Variants in TIMM23 observed in about 807,000 individuals in gnomAD.
TIMM23 encodes mitochondrial import inner membrane translocase subunit Tim23.
Under a neutral mutation model 30.7 loss-of-function variants are expected in TIMM23, and 19 were observed. The ratio of observed to expected loss-of-function variants is 0.62; its 90% CI spans 0.43 to 0.91. TIMM23 has a LOEUF of 0.91. TIMM23 is among the 40% of genes least tolerant of loss of function. The pLI, the probability that TIMM23 is intolerant of heterozygous loss-of-function variation, is 0.00. For synonymous variants in TIMM23, 78 were observed against 98.5 expected (o/e 0.79, Z 1.23); for missense variants, 202 against 269.2 (o/e 0.75, Z 1.75).
intron 6 of TIMM23, among the ~76,000 whole-genome samples, chr10:46,000,684 A>G (rs532707379): frequency 6.6e-6 from 1 of 152,376 alleles, no homozygotes; most frequent in African/African-American, 2.4e-5. Context: ...TGCACAAAGC[A>G]AAGAACCAGC....
intron 4 of TIMM23, among the ~76,000 whole-genome samples, chr10:45,985,082 A>G (rs1837956592): frequency 1.3e-5 from 2 of 151,932 alleles, no homozygotes. Flanking sequence ...CCTTATATAT[A>G]TTTAATGTGT....
At chr10:45,987,403 C>T (rs1324936268) in intron 5 of TIMM23, among the ~76,000 whole-genome samples, 2 of 152,044 alleles carry the variant, frequency 1.3e-5, no homozygotes, top group East Asian at 1.9e-4. Context: ...AGCATTAGAT[C>T]AGCAGGTTGA....
chr10:45,994,057 A>T (rs1158067032), intron 6 of TIMM23, among the ~76,000 whole-genome samples: 33 of 152,246 alleles, frequency 2.2e-4, no homozygotes, highest in Admixed American at 2.2e-3. Context: ...AGGAAATACG[A>T]AATGCTGGGT....
chr10:45,989,780 A>G (rs1220166319), intron 6 of TIMM23, among the ~76,000 whole-genome samples: 1 of 152,198 alleles, frequency 6.6e-6, no homozygotes, highest in Admixed American at 6.5e-5. Flanking sequence ...CTACTGGGAG[A>G]TCAACGTGTT....
intron 6 of TIMM23, among the ~76,000 whole-genome samples, chr10:46,000,001 A>C (rs576735445): frequency 3.2e-4 from 48 of 152,326 alleles, no homozygotes; most frequent in Non-Finnish European, 6.0e-4. Flanking sequence ...ACTGGCGGTC[A>C]AAGTTTAAGG....
chr10:45,996,742 T>C (rs1372960540), intron 6 of TIMM23, among the ~76,000 whole-genome samples: 6 of 152,036 alleles, frequency 3.9e-5, no homozygotes, highest in African/African-American at 1.5e-4. Flanking sequence ...TCCCAGCACT[T>C]TGGGAAGCCA....
chr10:45,987,393 A>G (rs1202681978), intron 5 of TIMM23, among the ~76,000 whole-genome samples: 1 of 152,114 alleles, frequency 6.6e-6, no homozygotes, highest in African/African-American at 2.4e-5. Context: ...GCCTGGAGAT[A>G]GCATTAGATC....
intron 6 of TIMM23, among the ~76,000 whole-genome samples, chr10:46,001,650 G>T (rs1246282301): frequency 2.6e-5 from 4 of 152,082 alleles, no homozygotes; most frequent in African/African-American, 7.2e-5. Flanking sequence ...CCACAACTCC[G>T]CTCTACCTCT....
chr10:45,977,567 AAT>A (rs1250834240), intron 2 of TIMM23, among the ~76,000 whole-genome samples: 1 of 152,244 alleles, frequency 6.6e-6, no homozygotes, highest in Non-Finnish European at 1.5e-5. Context: ...TAAAGACTTA[AAT>A]GTAAACTAAA....
intron 6 of TIMM23, chr10:45,992,466 G>C (rs782111676): frequency 2.9e-4 from 134 of 455,646 alleles, no homozygotes; most frequent in Middle Eastern, 6.5e-4. Flanking sequence ...TAGGAGAATT[G>C]TGAAACTTAA....
chr10:45,979,234 C>A (rs1837767247), intron 2 of TIMM23, among the ~76,000 whole-genome samples: 1 of 152,182 alleles, frequency 6.6e-6, no homozygotes, highest in Non-Finnish European at 1.5e-5. Flanking sequence ...ATACTAAAAA[C>A]CACTGAATTG....
intron 6 of TIMM23, among the ~76,000 whole-genome samples, chr10:45,993,678 A>T (rs1298363374): frequency 2.0e-5 from 3 of 151,694 alleles, no homozygotes; most frequent in Non-Finnish European, 2.9e-5. Flanking sequence ...TGAAATGAAG[A>T]GAATAAATGA....
At chr10:45,992,092 C>G (rs1462798609) in intron 6 of TIMM23, among the ~76,000 whole-genome samples, 1 of 152,018 alleles carries the variant, frequency 6.6e-6, no homozygotes, top group African/African-American at 2.4e-5. Flanking sequence ...TCAGCCTGCC[C>G]AGTGGTTCAG....
At chr10:45,979,297 C>T (rs1201081603) in intron 2 of TIMM23, among the ~76,000 whole-genome samples, 1 of 152,132 alleles carries the variant, frequency 6.6e-6, no homozygotes, top group African/African-American at 2.4e-5. Flanking sequence ...TCAGTAACTC[C>T]ATTTTCTCTC....
Position 45,986,711 on chromosome 10 carries a change from A to G in TIMM23, c.403+1270A>G, listed in dbSNP as rs1443347716. Among the ~76,000 whole-genome samples, 5 of 152,098 alleles carry G rather than the reference A, an allele frequency of 3.3e-5. No homozygotes were observed. In the East Asian group the frequency reaches 9.6e-4, roughly 29 times the overall value. ...AGAGCATAGAAGGATGGCTTGGGGG[A>G]AGATACTTTAAAATGAAATGGTGCT... On this transcript the variant is annotated intron_variant, in intron 5 of 6. Coordinates refer to ENST00000580018, the MANE Select transcript of TIMM23 (RefSeq NM_006327.4).
chr10:45,979,606 C>CT (rs1171770886), intron 2 of TIMM23, among the ~76,000 whole-genome samples: 9,182 of 54,418 alleles, frequency 0.17, 2,161 homozygotes, highest in African/African-American at 0.25. Flanking sequence ...CATGCCTGGC[C>CT]TTTTTTTTTT....
intron 1 of TIMM23, among the ~76,000 whole-genome samples, chr10:45,974,706 G>T (rs2132238865): frequency 6.6e-6 from 1 of 152,312 alleles, no homozygotes; most frequent in Non-Finnish European, 1.5e-5. Flanking sequence ...GACTAGGATG[G>T]TAGCAATAGA....
intron 5 of TIMM23, among the ~76,000 whole-genome samples, chr10:45,987,244 AAC>A (rs1838017110): frequency 6.6e-6 from 1 of 151,954 alleles, no homozygotes; most frequent in Non-Finnish European, 1.5e-5. Context: ...AAAAAAAAAA[AAC>A]AGTTTTTCCT....
intron 3 of TIMM23, 68 bp from the exon 4 acceptor site, chr10:45,982,778 T>G: frequency 6.2e-7 from 1 of 1,609,110 alleles, no homozygotes; most frequent in Non-Finnish European, 8.5e-7. Flanking sequence ...AGTGTAGTTA[T>G]GCAGATTTGA....
Sources: allele counts gnomAD v4.1 joint callset (sites outside exome capture counted in the v4.1 genomes callset), GRCh38; gene constraint gnomAD v4.1.1; transcripts MANE v1.5; gene names NCBI Gene and HGNC (gene_info 2026-07-23, HGNC 2026-07-21).